PXT1: variants seen among roughly 807,000 people sequenced by gnomAD.
The protein encoded by PXT1 is peroxisomal testis-specific protein 1.
PXT1 carries 11 observed loss-of-function variants against 11.0 expected under a neutral mutation model. The observed-to-expected ratio is 1.00, with a 90% CI of 0.63 to 1.66. PXT1 has a LOEUF of 1.66. PXT1 is among the 40% of genes most tolerant of loss of function. The pLI is 0.00. For synonymous variants in PXT1, 43 were observed against 51.4 expected (o/e 0.84, Z 0.70); for missense variants, 141 against 155.5 (o/e 0.91, Z 0.49).
At chr6:36,415,156 T>C (rs954328161) in intron 3 of PXT1, among the ~76,000 whole-genome samples, 1 of 152,128 alleles carries the variant, frequency 6.6e-6, no homozygotes. Context: ...TTAAAAAGAA[T>C]TGCCGGCCAG....
intron 3 of PXT1, among the ~76,000 whole-genome samples, chr6:36,413,517 A>G (rs938903906): frequency 6.6e-6 from 1 of 152,184 alleles, no homozygotes; most frequent in Non-Finnish European, 1.5e-5. Flanking sequence ...TCAAAACACC[A>G]AGGATAAATA....
intron 2 of PXT1, among the ~76,000 whole-genome samples, chr6:36,438,158 T>C (rs1373326612): frequency 6.6e-6 from 1 of 152,162 alleles, no homozygotes; most frequent in Non-Finnish European, 1.5e-5. Flanking sequence ...ATGTGTATCT[T>C]TTGTTGGAGT....
intron 4 of PXT1, among the ~76,000 whole-genome samples, chr6:36,395,710 G>C (rs67313027): frequency 0.26 from 38,741 of 151,852 alleles, 4,992 homozygotes; most frequent in East Asian, 0.39. Context: ...CTATTTAAAG[G>C]TGTTCTAGGC....
In PXT1 at chr6:36,391,495, G is replaced by A. The variant is rs1178355614; in HGVS notation, c.*275C>T. Reference sequence around the variant, plus strand: ...AAGGAGCCCTGGGACCATCCACAGCGCTGGTGTTTTCTGGGCAGCAAGGCT... The same window carrying A: ...AAGGAGCCCTGGGACCATCCACAGCACTGGTGTTTTCTGGGCAGCAAGGCT... On this transcript the variant is annotated 3_prime_UTR_variant, in exon 5 of 5. Coordinates refer to ENST00000454782, the MANE Select transcript of PXT1 (RefSeq NM_152990.4). 2.4e-5 allele frequency: 10 copies of A among 422,356 alleles called. No individual in the cohort carries two copies. Among genetic ancestry groups the A allele is most frequent in the South Asian group, 5.2e-5 (2 of 38,414 alleles). The allele number at this position is 422,356 out of a possible 1,614,324, so 26.2% of individuals were successfully genotyped here.
intron 3 of PXT1, 72 bp from the exon 4 acceptor site, chr6:36,400,656 AC>A: frequency 2.0e-6 from 3 of 1,473,232 alleles, no homozygotes; most frequent in Non-Finnish European, 1.8e-6. Flanking sequence ...ACCACTAGTT[AC>A]TAAAAACTGT....
intron 1 of PXT1, among the ~76,000 whole-genome samples, chr6:36,439,408 T>C (rs560385952): frequency 2.0e-5 from 3 of 151,198 alleles, no homozygotes; most frequent in Non-Finnish European, 3.0e-5. Flanking sequence ...GGTCAGGAGT[T>C]GGAGAAGAGC....
chr6:36,409,085 C>T (rs757119535), intron 3 of PXT1, among the ~76,000 whole-genome samples: 36 of 152,206 alleles, frequency 2.4e-4, no homozygotes, highest in Middle Eastern at 3.4e-3. Context: ...TATTTTCTCA[C>T]GTAGTGGTCA....
chr6:36,423,776 T>C (rs1774560912), intron 3 of PXT1, among the ~76,000 whole-genome samples: 1 of 152,136 alleles, frequency 6.6e-6, no homozygotes, highest in Non-Finnish European at 1.5e-5. Context: ...TGGGAGGACA[T>C]GGGAGACAGC....
chr6:36,394,660 A>T (rs1305252814), intron 4 of PXT1, among the ~76,000 whole-genome samples: 1 of 152,048 alleles, frequency 6.6e-6, no homozygotes, highest in Non-Finnish European at 1.5e-5. Flanking sequence ...AAATTCTAAA[A>T]GTGATGAGAA....
chr6:36,417,171 A>G (rs1774460665), intron 3 of PXT1, among the ~76,000 whole-genome samples: 1 of 151,966 alleles, frequency 6.6e-6, no homozygotes, highest in African/African-American at 2.4e-5. Flanking sequence ...CAATGATGAA[A>G]CCCCATCTCT....
At chr6:36,440,216 G>C (rs1774834459) in intron 1 of PXT1, among the ~76,000 whole-genome samples, 1 of 152,172 alleles carries the variant, frequency 6.6e-6, no homozygotes, top group African/African-American at 2.4e-5. Flanking sequence ...GTAGAAATGA[G>C]GATTAGCTTT....
intron 3 of PXT1, among the ~76,000 whole-genome samples, chr6:36,414,971 T>C (rs1372170147): frequency 1.3e-5 from 2 of 152,228 alleles, no homozygotes; most frequent in Non-Finnish European, 2.9e-5. Flanking sequence ...TCAATAGTTA[T>C]GGCACCAACT....
At position 36,418,119 on chromosome 6, in the gene PXT1, C is replaced by T. The variant is rs565552865; in HGVS notation, c.169+7795G>A. Among the ~76,000 whole-genome samples the T allele has an allele frequency of 5.3e-5, 8 of 152,110 alleles. 1 individual carries two copies. In the South Asian group the frequency reaches 1.7e-3, roughly 32 times the overall value. On this transcript the variant is annotated intron_variant, in intron 3 of 4. Transcript: ENST00000454782. ...ACTGAGGCAGGAGAATGGCGTGAACCCAGGAGGCGGAGGTTGCAGTGAGCT... is the reference window on the plus strand; with the variant it reads ...ACTGAGGCAGGAGAATGGCGTGAACTCAGGAGGCGGAGGTTGCAGTGAGCT...
At chr6:36,410,277 C>G (rs2127413077) in intron 3 of PXT1, among the ~76,000 whole-genome samples, 1 of 152,030 alleles carries the variant, frequency 6.6e-6, no homozygotes, top group Admixed American at 6.6e-5. Context: ...ACGGAAAAAC[C>G]CTGTCTCTAC....
At chr6:36,428,948 G>A (rs902148822) in intron 2 of PXT1, among the ~76,000 whole-genome samples, 10 of 151,928 alleles carry the variant, frequency 6.6e-5, no homozygotes, top group Admixed American at 3.3e-4. Context: ...GAGCCACCGC[G>A]CACAGCCTAA....
chr6:36,429,483 CTTTTCTT>C (rs1280384521), intron 2 of PXT1, among the ~76,000 whole-genome samples: 1 of 136,732 alleles, frequency 7.3e-6, no homozygotes, highest in African/African-American at 2.8e-5. Flanking sequence ...TTTTTCTTCA[CTTTTCTT>C]TTTTCTTTTT....
At chr6:36,392,099 T>G in intron 4 of PXT1, 1 of 454,926 alleles carries the variant, frequency 2.2e-6, no homozygotes, top group Non-Finnish European at 3.9e-6. Context: ...TGACCGTCTT[T>G]CCCACCTGGC....
intron 4 of PXT1, among the ~76,000 whole-genome samples, chr6:36,394,029 A>G (rs1227806918): frequency 6.6e-6 from 1 of 152,244 alleles, no homozygotes; most frequent in Admixed American, 6.5e-5. Context: ...AAAAACCATT[A>G]GCAGTAGGCT....
chr6:36,392,076 A>G (rs1050285504), intron 4 of PXT1: 2 of 491,060 alleles, frequency 4.1e-6, no homozygotes, highest in African/African-American at 2.0e-5. Flanking sequence ...GCCTCTGGAC[A>G]TATTTTCCTA....
Sources: allele counts gnomAD v4.1 joint callset (sites outside exome capture counted in the v4.1 genomes callset), GRCh38; gene constraint gnomAD v4.1.1; transcripts MANE v1.5; gene names NCBI Gene and HGNC (gene_info 2026-07-23, HGNC 2026-07-21).